The following GTF2H5 variants were observed in gnomAD, a reference collection of about 807,000 sequenced individuals.
GTF2H5 encodes TFB5 ortholog.
Under a neutral mutation model 7.1 loss-of-function variants are expected in GTF2H5, and 5 were observed. That is an observed-to-expected ratio of 0.71 (90% CI 0.37 to 1.49). The LOEUF (loss-of-function observed/expected upper bound fraction) is 1.49, where lower values mean the gene tolerates loss of function less well. Among genes scored for constraint, GTF2H5 ranks in the 40% most tolerant of loss-of-function variants. GTF2H5 has a pLI of 0.03. For synonymous variants in GTF2H5, 30 were observed against 31.7 expected (o/e 0.95, Z 0.18); for missense variants, 80 against 83.0 (o/e 0.96, Z 0.14).
In GTF2H5 at chr6:158,196,256, G is replaced by A. The variant is rs189158643; in HGVS notation, c.*4099G>A. The A allele has an allele frequency of 9.2e-5, 14 of 152,220 alleles. No individual in the cohort carries two copies. The highest frequency in any genetic ancestry group is 1.7e-4 in the African/African-American group (7 of 41,508). The allele number at this position is 152,220 out of a possible 1,614,324, so 9.4% of individuals were successfully genotyped here. On this transcript the variant is annotated 3_prime_UTR_variant, in exon 3 of 3. Coordinates refer to ENST00000607778, the MANE Select transcript of GTF2H5 (RefSeq NM_207118.3). ...GAGATCGTGCCACTGCACTCCAGCCGGGGTGACAGAGCGAGACTCCCACCC... is the reference window on the plus strand; with the variant it reads ...GAGATCGTGCCACTGCACTCCAGCCAGGGTGACAGAGCGAGACTCCCACCC...
chr6:158,174,111 G>A (rs374310054), intron 2 of GTF2H5, among the ~76,000 whole-genome samples: 1 of 152,064 alleles, frequency 6.6e-6, no homozygotes, highest in Non-Finnish European at 1.5e-5. Context: ...CTCGCTTATC[G>A]GTGGGGTCTT....
intron 2 of GTF2H5, among the ~76,000 whole-genome samples, chr6:158,191,120 G>A (rs941416779): frequency 7.2e-5 from 11 of 152,172 alleles, no homozygotes; most frequent in Admixed American, 3.9e-4. Flanking sequence ...TCACTTTTGA[G>A]GTTGGGAACA....
At position 158,193,109 on chromosome 6, in the gene GTF2H5, G is replaced by A. The variant is rs1189136995; in HGVS notation, c.*952G>A. The A allele has an allele frequency of 1.3e-5, 2 of 151,602 alleles. No homozygotes were observed. Among genetic ancestry groups the A allele is most frequent in the South Asian group, 2.1e-4 (1 of 4,794 alleles). The allele number at this position is 151,602 out of a possible 1,614,324, so 9.4% of individuals were successfully genotyped here. A position where few individuals can be genotyped will look rare whatever the true frequency, so the allele number is the denominator to read the frequency against. On this transcript the variant is annotated 3_prime_UTR_variant, in exon 3 of 3. Coordinates refer to ENST00000607778, the MANE Select transcript of GTF2H5 (RefSeq NM_207118.3). The stretch of plus-strand genomic sequence containing the variant: ...CCCAGCACTTTGGGAGGCTGAGGCA[G>A]GCAGATCGCTTGAGTCCAGGAGTCG...
intron 2 of GTF2H5, among the ~76,000 whole-genome samples, chr6:158,184,232 G>T (rs545413668): frequency 1.4e-4 from 21 of 151,664 alleles, no homozygotes; most frequent in Non-Finnish European, 2.8e-4. Flanking sequence ...TGATCAGTGG[G>T]ACAAGAAAAG....
rs11755587 is a variant in GTF2H5, at chr6:158,169,667, G to C, written c.-34-803G>C. Among the ~76,000 whole-genome samples the C allele has an allele frequency of 7.8e-5, 4 of 51,204 alleles. No individual in the cohort carries two copies. In the East Asian group the frequency reaches 4.3e-3, roughly 55 times the overall value. The allele number at this position is 51,204 out of a possible 152,430, so 33.6% of individuals were successfully genotyped here. ...TATTGTATATTACATATAATATATT[G>C]TATATTATATAATATATAATATATA... On this transcript the variant is annotated intron_variant, in intron 1 of 2. Transcript: ENST00000607778.
At chr6:158,182,238 C>T (rs1251282378) in intron 2 of GTF2H5, among the ~76,000 whole-genome samples, 1 of 152,186 alleles carries the variant, frequency 6.6e-6, no homozygotes, top group Non-Finnish European at 1.5e-5. Flanking sequence ...TTATGCGGAG[C>T]GATCCGCTGT....
At chr6:158,170,116 A>AGGG (rs1440902396) in intron 1 of GTF2H5, among the ~76,000 whole-genome samples, 1 of 152,110 alleles carries the variant, frequency 6.6e-6, no homozygotes, top group Non-Finnish European at 1.5e-5. Flanking sequence ...CCTGTCTCCC[A>AGGG]GGATCTTACC....
rs371688430 is a variant in GTF2H5, at chr6:158,191,944, A to G, written c.36-33A>G. On this transcript the variant is annotated intron_variant, in intron 2 of 2. Coordinates refer to ENST00000607778, the MANE Select transcript of GTF2H5 (RefSeq NM_207118.3). Reference sequence around the variant, plus strand: ...GTCTCTGTGATGTGATTTGACAACAAGCTGTCTTACAATCATGTGTTTGTC... The same window carrying G: ...GTCTCTGTGATGTGATTTGACAACAGGCTGTCTTACAATCATGTGTTTGTC... The G allele has an allele frequency of 5.7e-6, 9 of 1,565,826 alleles. No individual in the cohort carries two copies. In the African/African-American group the frequency reaches 8.1e-5, roughly 14 times the overall value.
intron 2 of GTF2H5, among the ~76,000 whole-genome samples, chr6:158,183,112 G>C (rs944079148): frequency 6.6e-6 from 1 of 152,172 alleles, no homozygotes; most frequent in African/African-American, 2.4e-5. Context: ...CTGTTTGTTA[G>C]TTTTCCTTCT....
At chr6:158,173,662 G>T (rs1039208425) in intron 2 of GTF2H5, among the ~76,000 whole-genome samples, 2 of 152,132 alleles carry the variant, frequency 1.3e-5, no homozygotes, top group Non-Finnish European at 2.9e-5. Flanking sequence ...CAAAATTGAG[G>T]CTCAGCCCTG....
In GTF2H5 at chr6:158,175,051, C is replaced by G. The variant is rs567433980; in HGVS notation, c.35+4513C>G. ...GTGTGTGTGTGTGTGTGTGTATACA[C>G]ACACACACACATACACATATATAGA... On this transcript the variant is annotated intron_variant, in intron 2 of 2. Coordinates refer to ENST00000607778, the MANE Select transcript of GTF2H5 (RefSeq NM_207118.3). Among the ~76,000 whole-genome samples the G allele has an allele frequency of 4.0e-5, 3 of 75,308 alleles. No homozygotes were observed. In the South Asian group the frequency reaches 1.1e-3, roughly 29 times the overall value. The allele number at this position is 75,308 out of a possible 152,430, so 49.4% of individuals were successfully genotyped here.
intron 2 of GTF2H5, among the ~76,000 whole-genome samples, chr6:158,186,325 A>G (rs564404986): frequency 1.3e-5 from 2 of 152,326 alleles, no homozygotes; most frequent in Admixed American, 6.5e-5. Context: ...GAAAATTCCC[A>G]AAGTCTTCAT....
chr6:158,181,864 G>A (rs1408602367), intron 2 of GTF2H5, among the ~76,000 whole-genome samples: 2 of 152,110 alleles, frequency 1.3e-5, no homozygotes, highest in African/African-American at 4.8e-5. Context: ...GGGGCATTTA[G>A]CCCATTTACA....
intron 1 of GTF2H5, among the ~76,000 whole-genome samples, chr6:158,170,182 C>T (rs1425992786): frequency 6.6e-6 from 1 of 152,050 alleles, no homozygotes; most frequent in East Asian, 1.9e-4. Context: ...ACGGTTTATA[C>T]CTGGGTTGGG....
intron 1 of GTF2H5, among the ~76,000 whole-genome samples, chr6:158,169,727 T>C (rs1702061725): frequency 1.2e-5 from 1 of 85,686 alleles, no homozygotes; most frequent in Non-Finnish European, 2.2e-5. Flanking sequence ...TATTATATAA[T>C]ATATTGTATA....
Position 158,169,506 on chromosome 6 carries a change from ATTGTATATTAT to A in GTF2H5, c.-34-963_-34-953del, listed in dbSNP as rs1562468424. ...TAATATATTGTATATTATATAATAT[ATTGTATATTAT>A]ATATAATATACAGTATATTATATAT... On this transcript the variant is annotated intron_variant, in intron 1 of 2. Transcript: ENST00000607778. Among the ~76,000 whole-genome samples the A allele has an allele frequency of 2.4e-5, 2 of 84,068 alleles. 1 individual carries two copies. Among genetic ancestry groups the A allele is most frequent in the Non-Finnish European group, 4.1e-5 (2 of 49,094 alleles). 55.2% of individuals were successfully genotyped at this position (84,068 alleles called of 152,430 possible).
intron 2 of GTF2H5, among the ~76,000 whole-genome samples, chr6:158,179,194 C>T (rs185233831): frequency 6.6e-6 from 1 of 152,218 alleles, no homozygotes; most frequent in Admixed American, 6.5e-5. Context: ...CGTTTTGTTC[C>T]ATTGGTCTAT....
chr6:158,169,978 G>A (rs1203295039), intron 1 of GTF2H5, among the ~76,000 whole-genome samples: 2 of 150,858 alleles, frequency 1.3e-5, no homozygotes, highest in Non-Finnish European at 2.9e-5. Flanking sequence ...CAGAGATCGC[G>A]CCACTGCACT....
intron 2 of GTF2H5, among the ~76,000 whole-genome samples, chr6:158,184,895 T>C (rs1176326719): frequency 6.6e-6 from 1 of 152,204 alleles, no homozygotes; most frequent in East Asian, 1.9e-4. Context: ...TCATACTTTA[T>C]AGGAGCTATA....
Sources: allele counts gnomAD v4.1 joint callset (sites outside exome capture counted in the v4.1 genomes callset), GRCh38; gene constraint gnomAD v4.1.1; transcripts MANE v1.5; gene names NCBI Gene and HGNC (gene_info 2026-07-23, HGNC 2026-07-21).